The following CHIC1 variants were observed in gnomAD, a reference collection of about 807,000 sequenced individuals.
CHIC1 encodes cysteine-rich hydrophobic domain-containing protein 1.
In CHIC1, 7 loss-of-function variants were observed where a neutral mutation model predicts 18.5. The observed-to-expected ratio is 0.38, with a 90% CI of 0.22 to 0.71. CHIC1 has a LOEUF of 0.71. CHIC1 is among the 30% of genes least tolerant of loss of function. The pLI, the probability that CHIC1 is intolerant of heterozygous loss-of-function variation, is 0.49. For synonymous variants in CHIC1, 77 were observed against 73.5 expected, an observed-to-expected ratio of 1.05 and a Z score of -0.25; for missense variants, 159 against 176.9, an observed-to-expected ratio of 0.90 and a Z score of 0.57.
intron 3 of CHIC1, among the ~76,000 whole-genome samples, chrX:73,653,977 TCATCTG>T: frequency 8.9e-6 from 1 of 112,528 alleles, no homozygotes; most frequent in Non-Finnish European, 1.9e-5. Context: ...TATGATCATG[TCATCTG>T]CAAATAGGAC....
chrX:73,632,920 C>G (rs1402605143), intron 3 of CHIC1, among the ~76,000 whole-genome samples: 1 of 107,897 alleles, frequency 9.3e-6, no homozygotes, highest in Non-Finnish European at 1.9e-5. Flanking sequence ...AGGCGCCCAC[C>G]ACCACGCCCA....
At position 73,682,002 on chromosome X, in the gene CHIC1, T is replaced by C. The variant is rs1435904044; in HGVS notation, c.*997T>C. On this transcript the variant is annotated 3_prime_UTR_variant, in exon 6 of 6. Transcript: ENST00000373502. ...CACAATTATGACTTTTAAGGAGTAT[T>C]TTGAGATTTCAGACATCTTCAGAAG... The C allele has an allele frequency of 1.8e-5, 2 of 111,682 alleles. No individual in the cohort carries two copies. Among genetic ancestry groups the C allele is most frequent in the East Asian group, 5.6e-4 (2 of 3,566 alleles). 9.2% of individuals were successfully genotyped at this position (111,682 alleles called of 1,213,427 possible). A position where few individuals can be genotyped will look rare whatever the true frequency, so the allele number is the denominator to read the frequency against.
At chrX:73,581,418 A>G (rs1470057187) in intron 2 of CHIC1, among the ~76,000 whole-genome samples, 1 of 110,922 alleles carries the variant, frequency 9.0e-6, no homozygotes, top group Non-Finnish European at 1.9e-5. Context: ...TCTAACCTTC[A>G]TTGCTAGAGA....
At chrX:73,566,063 A>G in intron 1 of CHIC1, among the ~76,000 whole-genome samples, 1 of 110,714 alleles carries the variant, frequency 9.0e-6, no homozygotes, top group East Asian at 2.9e-4. Flanking sequence ...GTAACATTCA[A>G]AACCTTTGAG....
At chrX:73,672,179 T>G in intron 3 of CHIC1, among the ~76,000 whole-genome samples, 1 of 112,126 alleles carries the variant, frequency 8.9e-6, no homozygotes, top group Non-Finnish European at 1.9e-5. Context: ...TGTTGGACAT[T>G]TGGGTTGGTT....
chrX:73,613,032 C>T (rs2057716128), intron 3 of CHIC1, among the ~76,000 whole-genome samples: 1 of 111,569 alleles, frequency 9.0e-6, no homozygotes, highest in African/African-American at 3.3e-5. Flanking sequence ...TTTTTATATC[C>T]TTAGGCTAAA....
At chrX:73,592,749 AT>A (rs2057588289) in intron 3 of CHIC1, among the ~76,000 whole-genome samples, 1 of 109,583 alleles carries the variant, frequency 9.1e-6, no homozygotes, top group African/African-American at 3.3e-5. Context: ...CTCCTCCTCT[AT>A]TTTTTGGAAT....
At chrX:73,672,564 C>T (rs1442606516) in intron 3 of CHIC1, among the ~76,000 whole-genome samples, 2 of 112,329 alleles carry the variant, frequency 1.8e-5, no homozygotes, top group Non-Finnish European at 1.9e-5. Flanking sequence ...GCATAAATGT[C>T]TTCTTTTGAG....
chrX:73,649,429 C>A (rs2057905042), intron 3 of CHIC1, among the ~76,000 whole-genome samples: 1 of 111,570 alleles, frequency 9.0e-6, no homozygotes, highest in African/African-American at 3.3e-5. Context: ...CAAGACCCAT[C>A]AGTGTGCTGT....
chrX:73,625,180 G>A (rs2057777969), intron 3 of CHIC1, among the ~76,000 whole-genome samples: 1 of 110,942 alleles, frequency 9.0e-6, no homozygotes. Context: ...CCAACTGGTT[G>A]CATGGGGGAC....
chrX:73,589,675 T>C (rs2057571506), intron 3 of CHIC1, among the ~76,000 whole-genome samples: 2 of 111,434 alleles, frequency 1.8e-5, no homozygotes, highest in African/African-American at 6.5e-5. Flanking sequence ...AATATATTTG[T>C]GCAGTTACCT....
intron 1 of CHIC1, among the ~76,000 whole-genome samples, chrX:73,572,178 T>G (rs1386015357): frequency 9.0e-6 from 1 of 111,236 alleles, no homozygotes; most frequent in Non-Finnish European, 1.9e-5. Flanking sequence ...GTACTTAATG[T>G]TTAGCTCCCA....
At position 73,656,602 on chromosome X, in the gene CHIC1, G is replaced by T. The variant is rs1474297773; in HGVS notation, c.508-22724G>T. On this transcript the variant is annotated intron_variant, in intron 3 of 5. Transcript: ENST00000373502. ...TTTTTCTCAGGTTTGTCAAACATCA[G>T]TTGGTTGTAGGTGTGCAGTCTTAGT... 9.1e-4 allele frequency among the ~76,000 whole-genome samples: 102 copies of T among 111,758 alleles called. 4 individuals are homozygous for T. The highest frequency in any genetic ancestry group is 3.8e-5 in the Non-Finnish European group (2 of 53,215).
intron 3 of CHIC1, among the ~76,000 whole-genome samples, chrX:73,603,748 A>G (rs1159844563): frequency 1.8e-5 from 2 of 108,752 alleles, no homozygotes; most frequent in Non-Finnish European, 3.8e-5. Flanking sequence ...TTCTGCATCT[A>G]TTGAGATAAT....
At chrX:73,595,198 A>T (rs2057601296) in intron 3 of CHIC1, among the ~76,000 whole-genome samples, 1 of 110,994 alleles carries the variant, frequency 9.0e-6, no homozygotes, top group South Asian at 3.8e-4. Context: ...ATTATATTTA[A>T]GTTCTGGGAT....
intron 3 of CHIC1, among the ~76,000 whole-genome samples, chrX:73,655,867 G>A (rs1021189844): frequency 9.1e-6 from 1 of 109,888 alleles, no homozygotes; most frequent in African/African-American, 3.3e-5. Flanking sequence ...TCTGCCTCTA[G>A]GTATTTGAGG....
intron 1 of CHIC1, among the ~76,000 whole-genome samples, chrX:73,574,867 A>G (rs2057489471): frequency 9.1e-6 from 1 of 110,274 alleles, no homozygotes; most frequent in Admixed American, 9.6e-5. Context: ...TCTTTGAAAT[A>G]ACCAACTTTT....
chrX:73,590,003 C>T (rs1432290621), intron 3 of CHIC1, among the ~76,000 whole-genome samples: 2 of 111,478 alleles, frequency 1.8e-5, no homozygotes, highest in Non-Finnish European at 3.8e-5. Context: ...TTGTACTTAA[C>T]AAGTCACTTC....
chrX:73,621,742 A>G lies in CHIC1; in HGVS notation c.507+37170A>G, dbSNP rs751146909. On this transcript the variant is annotated intron_variant, in intron 3 of 5. Coordinates refer to ENST00000373502, the MANE Select transcript of CHIC1 (RefSeq NM_001039840.4). ...AACTTCAAATATTATGGTGAATAGG[A>G]GTTGTGAGAGAGGGCATCCTTGTCT... Among the ~76,000 whole-genome samples, 26 of 111,897 alleles carry G rather than the reference A, an allele frequency of 2.3e-4. No individual in the cohort carries two copies. In the East Asian group the frequency reaches 6.8e-3, roughly 29 times the overall value.
Sources: allele counts gnomAD v4.1 joint callset (sites outside exome capture counted in the v4.1 genomes callset), GRCh38; gene constraint gnomAD v4.1.1; transcripts MANE v1.5; gene names NCBI Gene and HGNC (gene_info 2026-07-23, HGNC 2026-07-21).